The following VPS53 variants were observed in gnomAD, a reference collection of about 807,000 sequenced individuals.
The protein encoded by VPS53 is VPS53 subunit of GARP complex, also known as vacuolar protein sorting-associated protein 53 homolog.
VPS53 carries 70 observed loss-of-function variants against 107.0 expected under a neutral mutation model. That is an observed-to-expected ratio of 0.65 (90% CI 0.54 to 0.80). The LOEUF (loss-of-function observed/expected upper bound fraction) is 0.80, where lower values mean the gene tolerates loss of function less well. Ranked by LOEUF, VPS53 falls within the 30% of genes least tolerant of loss-of-function variation. The probability of loss-of-function intolerance (pLI) is 0.00; values close to 1 mark genes in which losing one functional copy is unlikely to be tolerated. For synonymous variants in VPS53, 409 were observed against 393.3 expected (o/e 1.04, Z -0.47); for missense variants, 917 against 1,049.4 (o/e 0.87, Z 1.74).
intron 18 of VPS53, among the ~76,000 whole-genome samples, chr17:535,199 C>T (rs1909941447): frequency 6.6e-6 from 1 of 152,128 alleles, no homozygotes; most frequent in Non-Finnish European, 1.5e-5. Context: ...TTCCTAGATC[C>T]CAGGCTGAAT....
chr17:618,249 G>GC (rs556529310), intron 11 of VPS53, among the ~76,000 whole-genome samples: 2,362 of 75,960 alleles, frequency 0.031, 468 homozygotes, highest in Middle Eastern at 0.085. Flanking sequence ...CTACAGGCGT[G>GC]CACCACCACG....
intron 4 of VPS53, among the ~76,000 whole-genome samples, chr17:677,657 C>T (rs1972222671): frequency 6.6e-6 from 1 of 151,802 alleles, no homozygotes; most frequent in Non-Finnish European, 1.5e-5. Flanking sequence ...AATGTAATAT[C>T]AAAAACCACT....
rs757557373 is a variant in VPS53 at position 710,535 on chromosome 17, G to A, written c.166C>T (p.Gln56Ter). Residue 56 changes from glutamine (Q) to a stop codon, truncating the protein, a stop_gained and splice_region_variant, in exon 2 of 22, where the codon CAA (glutamine) becomes TAA (stop). Coordinates refer to ENST00000437048, the MANE Select transcript of VPS53 (RefSeq NM_001128159.3). LOFTEE classifies it high-confidence loss of function. ...AGGAAACCTGAAACTCTACTTACTT[G>A]CTCGGTTGGGAACAGGGTATTGATA... ...EYINTLFPTEQSLANIDEVVN... is the reference protein window; with the variant it reads ...EYINTLFPTE The A allele has an allele frequency of 6.2e-7, 1 of 1,612,810 alleles. No homozygotes were observed. Among genetic ancestry groups the A allele is most frequent in the Non-Finnish European group, 8.5e-7 (1 of 1,179,088 alleles).
chr17:566,987 C>T (rs991545280), intron 13 of VPS53, among the ~76,000 whole-genome samples: 3 of 152,004 alleles, frequency 2.0e-5, no homozygotes, highest in East Asian at 3.9e-4. Flanking sequence ...ACCTAGTGAT[C>T]GCCCGCCTCA....
At chr17:613,833 C>T (rs535150403) in intron 11 of VPS53, among the ~76,000 whole-genome samples, 2 of 152,278 alleles carry the variant, frequency 1.3e-5, no homozygotes, top group South Asian at 4.1e-4. Flanking sequence ...TGTACAGATA[C>T]TCACAGCAGT....
intron 12 of VPS53, among the ~76,000 whole-genome samples, chr17:587,511 T>C (rs1967381633): frequency 6.6e-6 from 1 of 152,210 alleles, no homozygotes; most frequent in African/African-American, 2.4e-5. Flanking sequence ...ATTGTCTTTA[T>C]TTTTTGCTTT....
chr17:607,916 G>C (rs10521107), intron 11 of VPS53, among the ~76,000 whole-genome samples: 1 of 151,876 alleles, frequency 6.6e-6, no homozygotes, highest in Non-Finnish European at 1.5e-5. Flanking sequence ...TCCGTATCTC[G>C]TCTGCCTACA....
chr17:556,425 A>G (rs778975890), intron 15 of VPS53, among the ~76,000 whole-genome samples: 39 of 152,246 alleles, frequency 2.6e-4, no homozygotes, highest in Non-Finnish European at 5.3e-4. Flanking sequence ...GTATATGGGA[A>G]CCATACAAAC....
intron 19 of VPS53, among the ~76,000 whole-genome samples, chr17:522,014 G>T (rs1171168288): frequency 6.6e-6 from 1 of 152,192 alleles, no homozygotes; most frequent in Non-Finnish European, 1.5e-5. Context: ...AGCACTTCAG[G>T]AGGGCCAGGC....
At chr17:601,577 G>A (rs1251080078) in intron 12 of VPS53, among the ~76,000 whole-genome samples, 1 of 152,226 alleles carries the variant, frequency 6.6e-6, no homozygotes, top group Non-Finnish European at 1.5e-5. Flanking sequence ...GTGTGTCCTG[G>A]AGGCGGGGCT....
At chr17:613,502 G>A (rs1194936586) in intron 11 of VPS53, among the ~76,000 whole-genome samples, 3 of 151,864 alleles carry the variant, frequency 2.0e-5, no homozygotes, top group Admixed American at 2.0e-4. Context: ...TTCACACAGT[G>A]AAAACCTGTA....
chr17:519,214 C>G lies in VPS53; in HGVS notation c.2413G>C (p.Gly805Arg), dbSNP rs373809566. Residue 805 changes from glycine (G) to arginine (R), a missense_variant, in exon 22 of 22, where the codon GGC becomes CGC. Coordinates refer to ENST00000437048, the MANE Select transcript of VPS53 (RefSeq NM_001128159.3). The surrounding 1 kb of genome is among the most constrained non-coding windows in gnomAD (Gnocchi z 5.0). ...GTTGGCGCCGTCAGGGACAGTGAGC[C>G]GGAGCTTTCTGCCCCCGAGGGCGGT... is the stretch of plus-strand genomic sequence containing the variant. ...PAPPSGAESS[G>R]SLSLTAPTPE... 1 of 1,549,576 alleles carries G rather than the reference C, an allele frequency of 6.5e-7. No homozygotes were observed. The highest frequency in any genetic ancestry group is 1.2e-5 in the South Asian group (1 of 83,834).
chr17:610,846 G>T (rs1336191302), intron 11 of VPS53, among the ~76,000 whole-genome samples: 1 of 150,882 alleles, frequency 6.6e-6, no homozygotes, highest in African/African-American at 2.4e-5. Context: ...ACTGAGGTCC[G>T]AGAATTGCTT....
intron 17 of VPS53, chr17:540,315 C>T (rs1910528651): frequency 6.6e-6 from 1 of 152,048 alleles, no homozygotes; most frequent in Non-Finnish European, 1.5e-5. Context: ...TCCCAAGTAG[C>T]TGGGACCACA....
At chr17:681,020 A>C (rs1185101105) in intron 4 of VPS53, among the ~76,000 whole-genome samples, 1 of 152,234 alleles carries the variant, frequency 6.6e-6, no homozygotes, top group Non-Finnish European at 1.5e-5. Flanking sequence ...TGTATCTGTT[A>C]ATCCATTTAA....
At chr17:534,983 C>G (rs563623649) in intron 18 of VPS53, among the ~76,000 whole-genome samples, 6 of 151,136 alleles carry the variant, frequency 4.0e-5, no homozygotes, top group Non-Finnish European at 5.9e-5. Context: ...CTACAGGTGG[C>G]GATGGGGGGA....
intron 8 of VPS53, among the ~76,000 whole-genome samples, chr17:629,373 T>G (rs952317314): frequency 6.6e-6 from 1 of 152,236 alleles, no homozygotes; most frequent in Non-Finnish European, 1.5e-5. Context: ...TTTACTAGGT[T>G]GTGCCTTGGA....
intron 6 of VPS53, 71 bp from the exon 7 acceptor site, chr17:653,481 C>G: frequency 1.2e-6 from 2 of 1,600,928 alleles, no homozygotes; most frequent in Non-Finnish European, 1.7e-6. Context: ...CAGAACAACC[C>G]ACGCTAGCTC....
rs1328888069 is a variant in VPS53, at chr17:628,203, C to T, written c.716G>A (p.Arg239Gln). ...KRPGGPSNVL[R>Q]DACLVANILD... ...AATATTAGCAACCAGACATGCATCT[C>T]GTAGAACATTGCTGGGTCCTCCTGG... is the stretch of plus-strand genomic sequence containing the variant. The change falls in exon 9 of 22, where the codon CGA becomes CAA. Residue 239 changes from arginine (R) to glutamine (Q), a missense_variant. Transcript: ENST00000437048. The T allele has an allele frequency of 2.5e-6, 4 of 1,613,762 alleles. No homozygotes were observed. Among genetic ancestry groups the T allele is most frequent in the African/African-American group, 2.7e-5 (2 of 74,906 alleles).
Sources: gnomAD v4.1 joint callset for allele counts (sites outside exome capture counted in the v4.1 genomes callset) on GRCh38, gnomAD v4.1.1 for gene constraint, Gnocchi (gnomAD v3.1) non-coding constraint, MANE v1.5 for transcripts, NCBI Gene and HGNC (gene_info 2026-07-23, HGNC 2026-07-21) for gene names.